Variants in IL1R2 observed in about 807,000 individuals in gnomAD.
IL1R2 encodes interleukin-1 receptor type 2.
Under a neutral mutation model 39.5 loss-of-function variants are expected in IL1R2, and 46 were observed. That is an observed-to-expected ratio of 1.16 (90% CI 0.92 to 1.49). The LOEUF is 1.49. IL1R2 is among the 40% of genes most tolerant of loss of function. The pLI is 0.00. For missense variants in IL1R2, 537 were observed against 502.0 expected (o/e 1.07, Z -0.67); for synonymous variants, 207 against 189.6 (o/e 1.09, Z -0.75).
chr2:102,016,147 G>A (rs780477636), intron 4 of IL1R2, 96 bp downstream of exon 4: 9 of 919,268 alleles, frequency 9.8e-6, no homozygotes, highest in Non-Finnish European at 1.5e-5. Flanking sequence ...TGAAGACAGT[G>A]CACACACACA....
At chr2:101,998,056 A>C (rs1675676766) in intron 1 of IL1R2, among the ~76,000 whole-genome samples, 1 of 152,190 alleles carries the variant, frequency 6.6e-6, no homozygotes, top group African/African-American at 2.4e-5. Context: ...AGAATCCAGA[A>C]TATCAAGGAG....
chr2:102,007,783 G>A (rs190587741), intron 1 of IL1R2, among the ~76,000 whole-genome samples: 107 of 152,298 alleles, frequency 7.0e-4, no homozygotes, highest in Admixed American at 2.5e-3. Flanking sequence ...AATAGGTAGG[G>A]AATAGTCAAT....
intron 1 of IL1R2, among the ~76,000 whole-genome samples, chr2:102,003,006 C>CTA (rs1359367901): frequency 1.4e-3 from 181 of 125,496 alleles, no homozygotes; most frequent in Middle Eastern, 4.1e-3. Context: ...ATGTCTATGT[C>CTA]TGTGTCTGTG....
rs564937440 is a variant in IL1R2 at position 102,002,702 on chromosome 2, A to G, written c.-61-5813A>G. ...TAGGTCTGTGTCTAAGTCTATGTCTAGGTCTATGTCTATGTCTATGCCTAT... is the reference window on the plus strand; with the variant it reads ...TAGGTCTGTGTCTAAGTCTATGTCTGGGTCTATGTCTATGTCTATGCCTAT... On this transcript the variant is annotated intron_variant, in intron 1 of 8. Coordinates refer to ENST00000332549, the MANE Select transcript of IL1R2 (RefSeq NM_004633.4). 5.3e-5 allele frequency among the ~76,000 whole-genome samples: 8 copies of G among 151,190 alleles called. No individual in the cohort carries two copies. The South Asian group carries it at 6.3e-4, about 12-fold the overall frequency.
chr2:102,015,004 A>C (rs191953549), intron 3 of IL1R2, among the ~76,000 whole-genome samples: 8 of 151,480 alleles, frequency 5.3e-5, no homozygotes, highest in Admixed American at 2.6e-4. Context: ...AAACTTACCA[A>C]GTTAATTTCC....
chr2:102,024,069 C>CA (rs938588154), intron 6 of IL1R2, among the ~76,000 whole-genome samples: 41 of 147,482 alleles, frequency 2.8e-4, no homozygotes, highest in African/African-American at 7.2e-4. Context: ...CAAAACAAAA[C>CA]AAAAAAAACA....
intron 6 of IL1R2, among the ~76,000 whole-genome samples, chr2:102,022,487 T>C (rs908308334): frequency 1.3e-5 from 2 of 152,238 alleles, no homozygotes; most frequent in Admixed American, 6.5e-5. Flanking sequence ...CTTTGCTTCA[T>C]GCAAAGCCTA....
At chr2:102,014,177 A>G (rs1676843121) in intron 3 of IL1R2, among the ~76,000 whole-genome samples, 2 of 152,226 alleles carry the variant, frequency 1.3e-5, no homozygotes, top group Non-Finnish European at 2.9e-5. Flanking sequence ...CTGAAGATAG[A>G]TTTATGGGTT....
At position 102,022,268 on chromosome 2, in the gene IL1R2, A is replaced by T. The variant is rs373351875; in HGVS notation, c.751+19A>T. ...TCTCTGGGTAAGGCCCACAAGGACCATGCATTCCACGCACCTGTGGGGGTG... is the reference window on the plus strand; with the variant it reads ...TCTCTGGGTAAGGCCCACAAGGACCTTGCATTCCACGCACCTGTGGGGGTG... On this transcript the variant is annotated intron_variant, in intron 6 of 8. Transcript: ENST00000332549. 4.8e-5 allele frequency: 77 copies of T among 1,606,422 alleles called. No homozygotes were observed. In the African/African-American group the frequency reaches 9.2e-4, roughly 19 times the overall value.
At chr2:101,994,100 G>T (rs1675471395) in intron 1 of IL1R2, among the ~76,000 whole-genome samples, 1 of 152,202 alleles carries the variant, frequency 6.6e-6, no homozygotes, top group African/African-American at 2.4e-5. Context: ...TGTCCATTTG[G>T]ATTGTATTTT....
intron 1 of IL1R2, chr2:101,999,202 T>C (rs1675728529): frequency 6.6e-6 from 1 of 152,408 alleles, no homozygotes; most frequent in Non-Finnish European, 1.5e-5. Context: ...TTGTTTCTTC[T>C]GTCTTTGTCT....
intron 6 of IL1R2, chr2:102,023,532 G>A (rs1384056585): frequency 2.0e-5 from 3 of 152,266 alleles, no homozygotes; most frequent in Non-Finnish European, 4.4e-5. Context: ...GCATAGGATG[G>A]AGAACGGCTG....
intron 3 of IL1R2, among the ~76,000 whole-genome samples, chr2:102,010,937 C>T (rs779542154): frequency 3.3e-5 from 5 of 152,116 alleles, no homozygotes; most frequent in African/African-American, 1.2e-4. Flanking sequence ...CTGTACTTTC[C>T]GACTCTATGA....
rs1256345367 is a variant in IL1R2 at position 102,022,258 on chromosome 2, C to T, written c.751+9C>T. 3 of 1,610,988 alleles carry T rather than the reference C, an allele frequency of 1.9e-6. No homozygotes were observed. The highest frequency in any genetic ancestry group is 1.7e-6 in the Non-Finnish European group (2 of 1,177,258). ...CATATCAGCTTCTCTGGGTAAGGCC[C>T]ACAAGGACCATGCATTCCACGCACC... On this transcript the variant is annotated intron_variant, in intron 6 of 8. Transcript: ENST00000332549.
intron 5 of IL1R2, among the ~76,000 whole-genome samples, chr2:102,021,716 T>C (rs964684099): frequency 2.6e-5 from 4 of 152,248 alleles, no homozygotes; most frequent in African/African-American, 9.6e-5. Flanking sequence ...CGAGGCCAGG[T>C]TACACACTAG....
intron 7 of IL1R2, among the ~76,000 whole-genome samples, chr2:102,025,878 TG>T (rs1192572368): frequency 1.3e-5 from 2 of 152,188 alleles, no homozygotes; most frequent in Admixed American, 1.3e-4. Context: ...GTGTAACAAC[TG>T]TTTGATGCCA....
At chr2:102,013,576 G>GAAAAAA (rs1559421494) in intron 3 of IL1R2, among the ~76,000 whole-genome samples, 1 of 54,718 alleles carries the variant, frequency 1.8e-5, no homozygotes, top group African/African-American at 6.5e-5. Context: ...AGAAAAGAAG[G>GAAAAAA]AAAAGAAAAA....
intron 1 of IL1R2, among the ~76,000 whole-genome samples, chr2:102,003,477 TA>T: frequency 1.5e-5 from 2 of 136,056 alleles, no homozygotes. Flanking sequence ...TGTCGGTGTC[TA>T]GGCCTATGTC....
intron 8 of IL1R2, among the ~76,000 whole-genome samples, chr2:102,027,008 C>T (rs1677783575): frequency 6.6e-6 from 1 of 152,216 alleles, no homozygotes; most frequent in African/African-American, 2.4e-5. Context: ...ACAGTGTAAA[C>T]TGGAAAGCCA....
Sources: allele counts gnomAD v4.1 joint callset (sites outside exome capture counted in the v4.1 genomes callset), GRCh38; gene constraint gnomAD v4.1.1; transcripts MANE v1.5; gene names NCBI Gene and HGNC (gene_info 2026-07-23, HGNC 2026-07-21).